KNL1: variants seen among roughly 807,000 people sequenced by gnomAD.
KNL1 encodes the protein kinetochore scaffold 1.
Under a neutral mutation model 201.3 loss-of-function variants are expected in KNL1, and 66 were observed. The ratio of observed to expected loss-of-function variants is 0.33; its 90% CI spans 0.27 to 0.40. The LOEUF (loss-of-function observed/expected upper bound fraction) is 0.40, where lower values mean the gene tolerates loss of function less well. Ranked by LOEUF, KNL1 falls within the 10% of genes least tolerant of loss-of-function variation. The pLI, the probability that KNL1 is intolerant of heterozygous loss-of-function variation, is 1.00. For missense variants in KNL1, 2,815 were observed against 2,690.5 expected (o/e 1.05, Z -1.02); for synonymous variants, 895 against 899.2 (o/e 1.00, Z 0.08).
At chr15:40,626,143 A>T (rs542994941) in intron 10 of KNL1, 2 of 152,040 alleles carry the variant, frequency 1.3e-5, no homozygotes, top group East Asian at 3.9e-4. Flanking sequence ...TTTATTATTT[A>T]ATTTTATTTT....
At chr15:40,597,972 C>G (rs1209446088) in intron 1 of KNL1, among the ~76,000 whole-genome samples, 2 of 152,050 alleles carry the variant, frequency 1.3e-5, no homozygotes, top group Non-Finnish European at 1.5e-5. Flanking sequence ...GAGTTCGAGA[C>G]CAGCCTGACC....
rs1435211570 is a variant in KNL1 at position 40,657,455 on chromosome 15, T to C, written c.6695T>C (p.Ile2232Thr). The C allele has an allele frequency of 4.1e-6, 6 of 1,462,800 alleles. No individual in the cohort carries two copies. Among genetic ancestry groups the C allele is most frequent in the Middle Eastern group, 1.8e-4 (1 of 5,582 alleles). The allele number at this position is 1,462,800 out of a possible 1,614,324, so 90.6% of individuals were successfully genotyped here. Residue 2232 changes from isoleucine to threonine, a missense_variant, in exon 24 of 26, where the codon ATA (isoleucine) becomes ACA (threonine). Coordinates refer to ENST00000399668, the MANE Select transcript of KNL1 (RefSeq NM_144508.5). ...GGACCAAATTATAACCTAATGAACA[T>C]AGATATTAATAATAATGAGTAAGTG... Reference protein sequence around the residue: ...RWGPNYNLMNIDINNNELRLL... With the variant: ...RWGPNYNLMNTDINNNELRLL...
chr15:40,658,060 C>A (rs1893785545), intron 24 of KNL1, among the ~76,000 whole-genome samples: 1 of 151,192 alleles, frequency 6.6e-6, no homozygotes, highest in Non-Finnish European at 1.5e-5. Flanking sequence ...AAGGTCAGGA[C>A]TTCAAGACCA....
At chr15:40,657,956 A>G (rs867926008) in intron 24 of KNL1, among the ~76,000 whole-genome samples, 2 of 152,176 alleles carry the variant, frequency 1.3e-5, no homozygotes, top group South Asian at 2.1e-4. Flanking sequence ...ATATATATAT[A>G]TAGTAAGTTC....
chr15:40,629,119 T>C (rs1892831559), intron 12 of KNL1, among the ~76,000 whole-genome samples, 154 bp from the exon 13 acceptor site: 1 of 152,228 alleles, frequency 6.6e-6, no homozygotes, highest in African/African-American at 2.4e-5. Flanking sequence ...GAAATGATCT[T>C]AGATAAAATC....
chr15:40,620,662 G>T lies in KNL1; in HGVS notation c.398G>T (p.Arg133Leu), dbSNP rs755472529. Residue 133 changes from arginine to leucine, a missense_variant, in exon 10 of 26, where the codon CGT becomes CTT. Physicochemically the swap from Arg to Leu is moderately radical, Grantham distance 102. This residue lies in a region of KNL1 where 2,464 missense variants were observed against 2,291.7 expected (regional missense o/e 1.08). Coordinates refer to ENST00000399668, the MANE Select transcript of KNL1 (RefSeq NM_144508.5). ...QKEFSIIEHT[R>L]ERKHANDQTV... is the part of the protein sequence containing the mutation. ...TAGTTTTCAATTATAGAACATACCC[G>T]TGAAAGGAAACATGCAAATGACCAG... The T allele has an allele frequency of 1.3e-6, 2 of 1,585,422 alleles. No individual in the cohort carries two copies. Among genetic ancestry groups the T allele is most frequent in the Non-Finnish European group, 1.7e-6 (2 of 1,169,228 alleles).
intron 24 of KNL1, among the ~76,000 whole-genome samples, chr15:40,658,602 T>C (rs1443507996): frequency 8.0e-6 from 1 of 124,234 alleles, no homozygotes; most frequent in African/African-American, 3.0e-5. Context: ...AGAAATAATA[T>C]ATACCTAAGT....
intron 9 of KNL1, among the ~76,000 whole-genome samples, chr15:40,619,226 T>C (rs1892437820): frequency 6.6e-6 from 1 of 152,086 alleles, no homozygotes; most frequent in Admixed American, 6.6e-5. Context: ...CCTCTCAAAG[T>C]TTAAAGAGCA....
intron 13 of KNL1, among the ~76,000 whole-genome samples, chr15:40,634,237 C>T (rs1892993783): frequency 6.6e-6 from 1 of 151,782 alleles, no homozygotes; most frequent in South Asian, 2.1e-4. Flanking sequence ...CTCCCAAATA[C>T]CTGGGATTAC....
Position 40,621,112 on chromosome 15 carries a change from T to C in KNL1, c.848T>C (p.Phe283Ser). Residue 283 changes from phenylalanine (F) to serine (S), a missense_variant, in exon 10 of 26, where the codon TTC becomes TCC. Physicochemically the swap from Phe to Ser is radical, Grantham distance 155. Transcript: ENST00000399668. ...LFREKDDGMN[F>S]TQCHTANIQT... ...AGAGAAAAAGATGATGGGATGAATT[T>C]CACCCAGTGTCATACAGCCAATATT... is the stretch of plus-strand genomic sequence containing the variant. 1 of 1,613,668 alleles carries C rather than the reference T, an allele frequency of 6.2e-7. No individual in the cohort carries two copies. Among genetic ancestry groups the C allele is most frequent in the Non-Finnish European group, 8.5e-7 (1 of 1,179,812 alleles).
chr15:40,648,379 G>A (rs1893457712), intron 17 of KNL1, among the ~76,000 whole-genome samples: 1 of 152,040 alleles, frequency 6.6e-6, no homozygotes, highest in Admixed American at 6.6e-5. Context: ...CTACAGTGAG[G>A]CAAGATCACA....
In KNL1 at chr15:40,640,990, A is replaced by G. The variant is rs759938815; in HGVS notation, c.5761A>G (p.Arg1921Gly). 2 of 1,613,148 alleles carry G rather than the reference A, an allele frequency of 1.2e-6. No homozygotes were observed. The highest frequency in any genetic ancestry group is 1.7e-5 in the Admixed American group (1 of 59,910). The change falls in exon 14 of 26, where the codon AGA (arginine) becomes GGA (glycine). Residue 1921 changes from arginine (R) to glycine (G), a missense_variant. This residue lies in a region of KNL1 where 2,464 missense variants were observed against 2,291.7 expected (regional missense o/e 1.08). Coordinates refer to ENST00000399668, the MANE Select transcript of KNL1 (RefSeq NM_144508.5). The part of the protein sequence containing the change: ...YVYRPKIQIY[R>G]EDCEARRQKI... ...TTACCGACCCAAGATACAGATTTATAGAGAAGATTGTGAGGCTCGTCGCCA... is the reference window on the plus strand; with the variant it reads ...TTACCGACCCAAGATACAGATTTATGGAGAAGATTGTGAGGCTCGTCGCCA...
intron 21 of KNL1, among the ~76,000 whole-genome samples, chr15:40,652,794 A>G (rs1893610609): frequency 6.6e-6 from 1 of 151,918 alleles, no homozygotes; most frequent in Admixed American, 6.6e-5. Flanking sequence ...AGGCCCTAAC[A>G]AGTTAATTGG....
chr15:40,642,447 G>T (rs1010114695), intron 14 of KNL1, among the ~76,000 whole-genome samples: 2 of 151,682 alleles, frequency 1.3e-5, no homozygotes, highest in Admixed American at 6.6e-5. Flanking sequence ...AGAAATTTAA[G>T]ATATTTCAGA....
At chr15:40,657,278 G>T (rs1353054056) in intron 23 of KNL1, 77 bp from the exon 24 acceptor site, 2 of 1,055,170 alleles carry the variant, frequency 1.9e-6, no homozygotes, top group African/African-American at 1.6e-5. Flanking sequence ...TAACTTTTTT[G>T]AGTTCTTTGT....
chr15:40,599,583 C>T (rs1189133436), intron 1 of KNL1, among the ~76,000 whole-genome samples: 2 of 151,534 alleles, frequency 1.3e-5, no homozygotes, highest in South Asian at 2.1e-4. Context: ...GGGGTTTTGC[C>T]GTGTTGTCCA....
intron 1 of KNL1, among the ~76,000 whole-genome samples, chr15:40,595,664 T>C (rs1891599884): frequency 1.3e-5 from 2 of 152,212 alleles, no homozygotes; most frequent in African/African-American, 4.8e-5. Context: ...GGGCTTCCTG[T>C]GAAAATGGTA....
At position 40,624,814 on chromosome 15, in the gene KNL1, A is replaced by G; in HGVS notation, c.4550A>G (p.Asn1517Ser). Residue 1517 changes from asparagine (N) to serine (S), a missense_variant, in exon 10 of 26, where the codon AAT becomes AGT. Asn to Ser is a conservative substitution (Grantham distance 46). Around this residue, in one of 3 missense-constraint regions of KNL1, gnomAD observed 2,464 missense variants for 2,291.7 expected, o/e 1.08. Coordinates refer to ENST00000399668, the MANE Select transcript of KNL1 (RefSeq NM_144508.5). ...LKENIQTTNYNTALDFHSNSD... is the reference protein window; with the variant it reads ...LKENIQTTNYSTALDFHSNSD... ...GAAAATATTCAAACAACTAACTATA[A>G]TACAGCTCTAGATTTCCACAGTAAC... 1 of 1,613,576 alleles carries G rather than the reference A, an allele frequency of 6.2e-7. No individual in the cohort carries two copies. Among genetic ancestry groups the G allele is most frequent in the Non-Finnish European group, 8.5e-7 (1 of 1,179,920 alleles).
In KNL1 at chr15:40,650,518, T is replaced by G. The variant is rs754320535; in HGVS notation, c.6173-26T>G. The G allele has an allele frequency of 7.0e-5, 26 of 374,056 alleles. No individual in the cohort carries two copies. In the South Asian group the frequency reaches 1.1e-3, roughly 15 times the overall value. 23.2% of individuals were successfully genotyped at this position (374,056 alleles called of 1,614,324 possible). A position where few individuals can be genotyped will look rare whatever the true frequency, so the allele number is the denominator to read the frequency against. On this transcript the variant is annotated intron_variant, in intron 18 of 25. Coordinates refer to ENST00000399668, the MANE Select transcript of KNL1 (RefSeq NM_144508.5). ...GCAACATTCTAATATGTTTGTTCTG[T>G]TTTTTTTTTTTTTCTGTTTCCAAAG...
Sources: allele counts gnomAD v4.1 joint callset (sites outside exome capture counted in the v4.1 genomes callset), GRCh38; gene constraint gnomAD v4.1.1; regional missense constraint gnomAD v4.1.1; transcripts MANE v1.5; gene names NCBI Gene and HGNC (gene_info 2026-07-23, HGNC 2026-07-21).